Variants in ADAM9 observed in about 807,000 individuals in gnomAD.
ADAM9 encodes ADAM metallopeptidase domain 9, also known as disintegrin and metalloproteinase domain-containing protein 9.
ADAM9 carries 54 observed loss-of-function variants against 108.1 expected under a neutral mutation model. That is an observed-to-expected ratio of 0.50 (90% CI 0.40 to 0.63). ADAM9 has a LOEUF of 0.63. ADAM9 is among the 20% of genes least tolerant of loss of function. The probability of loss-of-function intolerance (pLI) is 0.00; values close to 1 mark genes in which losing one functional copy is unlikely to be tolerated. For synonymous variants in ADAM9, 316 were observed against 336.0 expected, an observed-to-expected ratio of 0.94 and a Z score of 0.65; for missense variants, 830 against 997.7, an observed-to-expected ratio of 0.83 and a Z score of 2.26.
chr8:39,017,541 G>T (rs1395528272), intron 6 of ADAM9, 127 bp downstream of exon 6: 2 of 914,994 alleles, frequency 2.2e-6, no homozygotes, highest in Admixed American at 4.0e-5. Flanking sequence ...ATATATGCCA[G>T]ACATTGTGAT....
intron 1 of ADAM9, among the ~76,000 whole-genome samples, chr8:39,007,042 A>G (rs1319280774): frequency 6.6e-6 from 1 of 152,200 alleles, no homozygotes; most frequent in Admixed American, 6.5e-5. Flanking sequence ...TTATAAAGAA[A>G]AGAGGTTTAT....
intron 20 of ADAM9, among the ~76,000 whole-genome samples, chr8:39,092,793 A>T (rs987369637): frequency 1.3e-5 from 2 of 152,166 alleles, no homozygotes; most frequent in Non-Finnish European, 2.9e-5. Flanking sequence ...TGTATATGGT[A>T]TGAAATACCA....
At chr8:39,026,337 G>T (rs1836920593) in intron 10 of ADAM9, among the ~76,000 whole-genome samples, 1 of 152,136 alleles carries the variant, frequency 6.6e-6, no homozygotes, top group African/African-American at 2.4e-5. Context: ...TCCCACTTAT[G>T]AGTGTAGCTC....
chr8:39,102,306 G>A (rs1324783660), intron 21 of ADAM9, among the ~76,000 whole-genome samples: 1 of 152,172 alleles, frequency 6.6e-6, no homozygotes. Flanking sequence ...AGGCATAGAA[G>A]ACTAAAGAAG....
intron 7 of ADAM9, 27 bp downstream of exon 7, chr8:39,018,945 T>C (rs1345457840): frequency 6.2e-7 from 1 of 1,606,092 alleles, no homozygotes; most frequent in East Asian, 2.2e-5. Context: ...TTTTTCTTCT[T>C]TTCCATGAAA....
intron 21 of ADAM9, among the ~76,000 whole-genome samples, chr8:39,102,140 A>G (rs1054697056): frequency 4.6e-5 from 7 of 152,198 alleles, no homozygotes; most frequent in Admixed American, 3.9e-4. Flanking sequence ...AATAAGCTTG[A>G]GCAAGACAGA....
At position 39,101,922 on chromosome 8, in the gene ADAM9, C is replaced by T. The variant is rs753410333; in HGVS notation, c.2358C>T (p.Phe786=). The stretch of plus-strand genomic sequence containing the variant: ...ATGCAGCCAAGCAACCTCAGCAGTT[C>T]CCATCAAGGTCAGAAGAAAATTTGC... The part of the protein sequence containing the change: ...PTYAAKQPQQ[F]PSRPPPPQPK... The change falls in exon 21 of 22, where the codon TTC becomes TTT. Residue 786 remains phenylalanine, a synonymous_variant. Coordinates refer to ENST00000487273, the MANE Select transcript of ADAM9 (RefSeq NM_003816.3). The T allele has an allele frequency of 1.2e-6, 2 of 1,613,406 alleles. No homozygotes were observed. The highest frequency in any genetic ancestry group is 1.3e-5 in the African/African-American group (1 of 74,966).
chr8:39,023,782 T>TG (rs1488054251), intron 9 of ADAM9, among the ~76,000 whole-genome samples: 1 of 140,034 alleles, frequency 7.1e-6, no homozygotes, highest in Non-Finnish European at 1.5e-5. Flanking sequence ...AGTCTCACTC[T>TG]GTTGCCCAGA....
chr8:39,082,839 A>G lies in ADAM9; in HGVS notation c.1962+118A>G, dbSNP rs1839065077. On this transcript the variant is annotated intron_variant, in intron 17 of 21. Transcript: ENST00000487273. Reference sequence around the variant, plus strand: ...GTTGGGGAATTTAGATTCCTGATAAAATTTTCATTCTTAAACAGTGTCAGT... The same window carrying G: ...GTTGGGGAATTTAGATTCCTGATAAGATTTTCATTCTTAAACAGTGTCAGT... The G allele has an allele frequency of 2.2e-6, 3 of 1,363,298 alleles. No individual in the cohort carries two copies. In the Admixed American group the frequency reaches 5.4e-5, roughly 25 times the overall value. The allele number at this position is 1,363,298 out of a possible 1,614,324, so 84.5% of individuals were successfully genotyped here.
At chr8:39,072,507 T>C (rs183379194) in intron 15 of ADAM9, among the ~76,000 whole-genome samples, 51 of 152,330 alleles carry the variant, frequency 3.3e-4, no homozygotes, top group African/African-American at 1.1e-3. Flanking sequence ...TTTTGGTGAT[T>C]GTGTAGGGTG....
At position 39,103,583 on chromosome 8, in the gene ADAM9, T is replaced by TA. The variant is rs779950773; in HGVS notation, c.2367-22dup. The TA allele has an allele frequency of 1.7e-5, 28 of 1,605,304 alleles. 1 individual carries two copies. In the East Asian group the frequency reaches 5.8e-4, roughly 33 times the overall value. ...ATTTCACCCAGTCTAAACACTCTAT[T>TA]AACTATCTCTTTTCCCCTCGCAGGC... On this transcript the variant is annotated intron_variant, in intron 21 of 21. Coordinates refer to ENST00000487273, the MANE Select transcript of ADAM9 (RefSeq NM_003816.3).
intron 11 of ADAM9, among the ~76,000 whole-genome samples, chr8:39,028,508 G>A (rs989865931): frequency 1.3e-5 from 2 of 152,170 alleles, no homozygotes; most frequent in Non-Finnish European, 2.9e-5. Flanking sequence ...TGTGTAATGA[G>A]CAATGAGATA....
intron 11 of ADAM9, among the ~76,000 whole-genome samples, chr8:39,035,948 C>CT (rs1287397835): frequency 6.6e-6 from 1 of 151,956 alleles, no homozygotes; most frequent in Non-Finnish European, 1.5e-5. Flanking sequence ...TGATATTAAA[C>CT]TTTCTTTTTT....
intron 11 of ADAM9, among the ~76,000 whole-genome samples, chr8:39,038,561 T>TA (rs1837356796): frequency 6.6e-6 from 1 of 152,186 alleles, no homozygotes; most frequent in Non-Finnish European, 1.5e-5. Flanking sequence ...TATAATATGC[T>TA]ATCTAATTTA....
chr8:39,035,568 T>C (rs199766688), intron 11 of ADAM9, among the ~76,000 whole-genome samples: 10 of 152,062 alleles, frequency 6.6e-5, no homozygotes, highest in Non-Finnish European at 1.2e-4. Context: ...CCTGTAATCC[T>C]AGCACTTTGG....
chr8:39,080,109 T>C (rs984553028), intron 16 of ADAM9, among the ~76,000 whole-genome samples: 5 of 152,122 alleles, frequency 3.3e-5, no homozygotes, highest in Non-Finnish European at 5.9e-5. Context: ...TATTTATTTG[T>C]GTGTGGGGTG....
chr8:39,081,193 C>T (rs768530545), intron 16 of ADAM9, among the ~76,000 whole-genome samples: 20 of 151,986 alleles, frequency 1.3e-4, no homozygotes, highest in Non-Finnish European at 2.8e-4. Context: ...AAGTGATTCA[C>T]CCACCTCGGC....
At position 39,105,128 on chromosome 8, in the gene ADAM9, C is replaced by T. The variant is rs1839825210; in HGVS notation, c.*1428C>T. Reference sequence around the variant, plus strand: ...ATCTCACTAATTTTCAGACTTTTGCCAAAGTGTGCACAATGGCTTTTTGTT... The same window carrying T: ...ATCTCACTAATTTTCAGACTTTTGCTAAAGTGTGCACAATGGCTTTTTGTT... On this transcript the variant is annotated 3_prime_UTR_variant, in exon 22 of 22. Transcript: ENST00000487273. The T allele has an allele frequency of 2.5e-6, 1 of 406,584 alleles. No individual in the cohort carries two copies. The highest frequency in any genetic ancestry group is 2.1e-5 in the African/African-American group (1 of 47,360). 25.2% of individuals were successfully genotyped at this position (406,584 alleles called of 1,614,324 possible).
At chr8:39,036,443 C>T (rs913155765) in intron 11 of ADAM9, among the ~76,000 whole-genome samples, 10 of 151,930 alleles carry the variant, frequency 6.6e-5, no homozygotes, top group African/African-American at 2.4e-4. Flanking sequence ...TCAGAGGACT[C>T]AAATAAATAT....
Sources: gnomAD v4.1 joint callset for allele counts (sites outside exome capture counted in the v4.1 genomes callset) on GRCh38, gnomAD v4.1.1 for gene constraint, MANE v1.5 for transcripts, NCBI Gene and HGNC (gene_info 2026-07-23, HGNC 2026-07-21) for gene names.